Variants in BBX observed in about 807,000 individuals in gnomAD.
The protein encoded by BBX is HMG box transcription factor BBX.
A neutral mutation model predicts 100.2 loss-of-function variants in BBX; 30 were observed. The observed-to-expected ratio is 0.30, with a 90% CI of 0.22 to 0.41. BBX has a LOEUF of 0.41. Among genes scored for constraint, BBX ranks in the 10% least tolerant of loss-of-function variants. The pLI is 1.00. For missense variants in BBX, 1,023 were observed against 1,129.8 expected (o/e 0.91, Z 1.35); for synonymous variants, 376 against 388.1 (o/e 0.97, Z 0.37).
intron 2 of BBX, among the ~76,000 whole-genome samples, chr3:107,583,053 T>C (rs1340397360): frequency 1.3e-5 from 2 of 151,688 alleles, no homozygotes; most frequent in Non-Finnish European, 2.9e-5. Context: ...CATAATTTGC[T>C]ACTAGATAAT....
intron 14 of BBX, among the ~76,000 whole-genome samples, chr3:107,790,364 T>C (rs1169681797): frequency 1.3e-5 from 2 of 152,194 alleles, no homozygotes; most frequent in Non-Finnish European, 2.9e-5. Flanking sequence ...AGTTGTAACC[T>C]GTGTCTCTTC....
chr3:107,665,448 C>T (rs2058686445), intron 3 of BBX, among the ~76,000 whole-genome samples: 1 of 152,032 alleles, frequency 6.6e-6, no homozygotes, highest in African/African-American at 2.4e-5. Flanking sequence ...ATGAAAAACG[C>T]TTTGTCACTG....
chr3:107,592,360 C>CAAA (rs398052177), intron 2 of BBX, among the ~76,000 whole-genome samples: 1,474 of 74,160 alleles, frequency 0.02, 72 homozygotes, highest in African/African-American at 0.043. Flanking sequence ...GACCCTGTCT[C>CAAA]AAAAAAAAAA....
At position 107,525,021 on chromosome 3, in the gene BBX, C is replaced by T. The variant is rs901043255; in HGVS notation, c.-155-1306C>T. On this transcript the variant is annotated intron_variant, in intron 1 of 17. Transcript: ENST00000325805. Reference sequence around the variant, plus strand: ...CTTTCCCCGCGCGGGGAGGGGCGTTCTTCGCCATCTCCTGGGGTTGCCCAC... The same window carrying T: ...CTTTCCCCGCGCGGGGAGGGGCGTTTTTCGCCATCTCCTGGGGTTGCCCAC... Among the ~76,000 whole-genome samples, 3 of 151,204 alleles carry T rather than the reference C, an allele frequency of 2.0e-5. No homozygotes were observed. The East Asian group carries it at 5.9e-4, about 30-fold the overall frequency.
At chr3:107,639,012 A>C (rs929008911) in intron 2 of BBX, among the ~76,000 whole-genome samples, 1 of 152,048 alleles carries the variant, frequency 6.6e-6, no homozygotes, top group Non-Finnish European at 1.5e-5. Context: ...AATATGTTAT[A>C]ATTTTTGATC....
chr3:107,529,833 T>A (rs1394838988), intron 2 of BBX, among the ~76,000 whole-genome samples: 2 of 152,154 alleles, frequency 1.3e-5, no homozygotes, highest in East Asian at 1.9e-4. Flanking sequence ...CATTTTTTTT[T>A]TTTTGCTTTC....
chr3:107,566,592 A>G (rs1391333201), intron 2 of BBX, among the ~76,000 whole-genome samples: 3 of 150,736 alleles, frequency 2.0e-5, no homozygotes, highest in Admixed American at 6.6e-5. Context: ...ATCTTTGGCA[A>G]CTGCTTTAGT....
At chr3:107,587,082 T>A (rs533096586) in intron 2 of BBX, among the ~76,000 whole-genome samples, 1 of 152,302 alleles carries the variant, frequency 6.6e-6, no homozygotes, top group East Asian at 1.9e-4. Context: ...AGTTTTGCCA[T>A]CTTATTTTGC....
chr3:107,784,063 T>C (rs1056290193), intron 13 of BBX, among the ~76,000 whole-genome samples: 3 of 152,016 alleles, frequency 2.0e-5, no homozygotes, highest in Non-Finnish European at 4.4e-5. Flanking sequence ...GGAATAAATA[T>C]TGAGAACCTG....
At chr3:107,618,561 G>A (rs1341710812) in intron 2 of BBX, among the ~76,000 whole-genome samples, 2 of 151,926 alleles carry the variant, frequency 1.3e-5, no homozygotes, top group Admixed American at 6.6e-5. Context: ...TGAGCATTGC[G>A]TTTCCTGTTC....
At chr3:107,668,156 A>G (rs141033258) in intron 3 of BBX, among the ~76,000 whole-genome samples, 1 of 152,306 alleles carries the variant, frequency 6.6e-6, no homozygotes, top group East Asian at 1.9e-4. Flanking sequence ...TCACCTACAT[A>G]TTATGTTGTT....
rs558879807 is a variant in BBX, at chr3:107,768,489, C to T, written c.907-4139C>T. Reference sequence around the variant, plus strand: ...GCCCTGTCCTTGGCCATGTTTTGCTCAACATTATTACCAAAGATTTGGACA... The same window carrying T: ...GCCCTGTCCTTGGCCATGTTTTGCTTAACATTATTACCAAAGATTTGGACA... On this transcript the variant is annotated intron_variant, in intron 10 of 17. Coordinates refer to ENST00000325805, the MANE Select transcript of BBX (RefSeq NM_001142568.3). Among the ~76,000 whole-genome samples, 13 of 152,230 alleles carry T rather than the reference C, an allele frequency of 8.5e-5. No individual in the cohort carries two copies. In the East Asian group the frequency reaches 2.5e-3, roughly 29 times the overall value.
intron 3 of BBX, among the ~76,000 whole-genome samples, chr3:107,692,317 G>C (rs141197988): frequency 6.6e-6 from 1 of 151,894 alleles, no homozygotes; most frequent in South Asian, 2.1e-4. Context: ...CTAGCATTAC[G>C]TATACCTCTC....
chr3:107,709,197 A>C (rs1016870012), intron 3 of BBX, among the ~76,000 whole-genome samples: 7 of 152,230 alleles, frequency 4.6e-5, no homozygotes, highest in Middle Eastern at 3.2e-3. Context: ...AGATTAATCA[A>C]GTATTTAAAT....
chr3:107,714,160 G>A (rs976808463), intron 4 of BBX, among the ~76,000 whole-genome samples: 6 of 151,414 alleles, frequency 4.0e-5, no homozygotes, highest in Non-Finnish European at 5.9e-5. Flanking sequence ...GTTTGTAGTA[G>A]AGACTGGGTT....
intron 13 of BBX, 69 bp downstream of exon 13, chr3:107,778,588 G>T: frequency 6.6e-7 from 1 of 1,525,908 alleles, no homozygotes; most frequent in Non-Finnish European, 8.9e-7. Flanking sequence ...CAAGCTTTTA[G>T]CTCCCTTTAG....
At chr3:107,706,809 CATT>C (rs893943863) in intron 3 of BBX, among the ~76,000 whole-genome samples, 1 of 152,198 alleles carries the variant, frequency 6.6e-6, no homozygotes, top group South Asian at 2.1e-4. Flanking sequence ...ACCTCCTCCT[CATT>C]GTTGAAGTAA....
At chr3:107,679,961 G>GTCTA (rs2059488694) in intron 3 of BBX, among the ~76,000 whole-genome samples, 1 of 152,192 alleles carries the variant, frequency 6.6e-6, no homozygotes, top group South Asian at 2.1e-4. Context: ...AAAACAGAAA[G>GTCTA]TCTATCAGCA....
intron 2 of BBX, among the ~76,000 whole-genome samples, chr3:107,626,774 C>T (rs1201013674): frequency 6.6e-6 from 1 of 152,056 alleles, no homozygotes; most frequent in East Asian, 1.9e-4. Flanking sequence ...CCTGCCTCAG[C>T]CTCCCGAGTA....
Sources: allele counts gnomAD v4.1 joint callset (sites outside exome capture counted in the v4.1 genomes callset), GRCh38; gene constraint gnomAD v4.1.1; transcripts MANE v1.5; gene names NCBI Gene and HGNC (gene_info 2026-07-23, HGNC 2026-07-21).